Variants in RNF150 observed in about 807,000 individuals in gnomAD.
RNF150 encodes the protein ring finger protein 150.
RNF150 carries 24 observed loss-of-function variants against 39.3 expected under a neutral mutation model. The observed-to-expected ratio is 0.61, with a 90% CI of 0.44 to 0.86. The LOEUF is 0.86. RNF150 is among the 40% of genes least tolerant of loss of function. The pLI is 0.00. For missense variants in RNF150, 502 were observed against 587.8 expected, an observed-to-expected ratio of 0.85 and a Z score of 1.51; for synonymous variants, 255 against 227.3, an observed-to-expected ratio of 1.12 and a Z score of -1.10.
chr4:140,893,626 C>A (rs80309169), intron 6 of RNF150, among the ~76,000 whole-genome samples: 1,642 of 152,236 alleles, frequency 0.011, 32 homozygotes, highest in African/African-American at 0.037. Context: ...TAGAACCATG[C>A]TCAGCACCTC....
rs114309063 is a variant in RNF150 at position 140,915,521 on chromosome 4, G to T, written c.988-4167C>A. ...AGAAAAGGCTTGGGAGGCACAGAAG[G>T]TATCCATATGCCTTCATGCTTTGTG... is the stretch of plus-strand genomic sequence containing the variant. On this transcript the variant is annotated intron_variant, in intron 5 of 6. Coordinates refer to ENST00000515673, the MANE Select transcript of RNF150 (RefSeq NM_020724.2). Among the ~76,000 whole-genome samples, 447 of 152,326 alleles carry T rather than the reference G, an allele frequency of 2.9e-3. 4 individuals carry two copies. The highest frequency in any genetic ancestry group is 0.01 in the African/African-American group (423 of 41,574).
At chr4:140,882,474 C>T (rs11725916) in intron 6 of RNF150, among the ~76,000 whole-genome samples, 54,528 of 151,992 alleles carry the variant, frequency 0.36, 11,360 homozygotes, top group Non-Finnish European at 0.47. Context: ...CTCTATTCTA[C>T]TTATGCCTAT....
At chr4:140,872,881 G>C (rs148442686) in intron 6 of RNF150, among the ~76,000 whole-genome samples, 24 of 152,336 alleles carry the variant, frequency 1.6e-4, no homozygotes, top group African/African-American at 5.1e-4. Context: ...GTTTAGAGGA[G>C]AGGCCATGAC....
chr4:140,980,297 C>A (rs1733812519), intron 1 of RNF150, among the ~76,000 whole-genome samples: 2 of 152,026 alleles, frequency 1.3e-5, no homozygotes, highest in Non-Finnish European at 2.9e-5. Context: ...CTTGTCTTGG[C>A]CTCTCAAAGT....
intron 1 of RNF150, among the ~76,000 whole-genome samples, chr4:141,022,157 A>G (rs1187579413): frequency 3.3e-5 from 5 of 152,188 alleles, no homozygotes; most frequent in African/African-American, 9.6e-5. Context: ...GTCTCTGGGG[A>G]CAGTCAGCTG....
intron 2 of RNF150, among the ~76,000 whole-genome samples, chr4:140,960,869 C>T (rs1277728879): frequency 2.0e-5 from 3 of 152,074 alleles, no homozygotes; most frequent in East Asian, 3.9e-4. Flanking sequence ...ATTGCTTTAT[C>T]CACTAAACGT....
chr4:140,919,093 A>G (rs1730985914), intron 5 of RNF150, among the ~76,000 whole-genome samples: 1 of 150,212 alleles, frequency 6.7e-6, no homozygotes, highest in Non-Finnish European at 1.5e-5. Context: ...TGAATGGGCA[A>G]AAACTGGAAG....
At chr4:140,899,857 C>T (rs1730110591) in intron 6 of RNF150, among the ~76,000 whole-genome samples, 1 of 151,798 alleles carries the variant, frequency 6.6e-6, no homozygotes, top group South Asian at 2.1e-4. Flanking sequence ...GAAAAACTTG[C>T]AGTGAGGACC....
rs555830696 is a variant in RNF150, at chr4:141,002,800, G to A, written c.485-34927C>T. Among the ~76,000 whole-genome samples, 4 of 152,188 alleles carry A rather than the reference G, an allele frequency of 2.6e-5. No individual in the cohort carries two copies. In the South Asian group the frequency reaches 8.3e-4, roughly 32 times the overall value. On this transcript the variant is annotated intron_variant, in intron 1 of 6. Transcript: ENST00000515673. ...TTCTAGCTTCAGCTCTGCCAACCTG[G>A]GTAGCGCACATTCCCTCACTGAGCC...
chr4:140,938,029 A>G (rs1731926756), intron 4 of RNF150, among the ~76,000 whole-genome samples: 1 of 152,210 alleles, frequency 6.6e-6, no homozygotes, highest in African/African-American at 2.4e-5. Context: ...CTGGCTAGAA[A>G]GTGCCCTTTT....
intron 1 of RNF150, among the ~76,000 whole-genome samples, chr4:141,101,457 G>C (rs568797060): frequency 6.6e-6 from 1 of 152,096 alleles, no homozygotes; most frequent in Non-Finnish European, 1.5e-5. Context: ...AACATGCATG[G>C]AGCTGTCATT....
At chr4:141,102,657 C>T (rs1226291975) in intron 1 of RNF150, among the ~76,000 whole-genome samples, 1 of 152,150 alleles carries the variant, frequency 6.6e-6, no homozygotes, top group Non-Finnish European at 1.5e-5. Context: ...ATGATTATCG[C>T]AACAGATGAC....
At chr4:141,096,878 G>T (rs1311347985) in intron 1 of RNF150, among the ~76,000 whole-genome samples, 1 of 152,184 alleles carries the variant, frequency 6.6e-6, no homozygotes, top group African/African-American at 2.4e-5. Flanking sequence ...CACCAGTGTT[G>T]TATTTCTTTT....
At chr4:141,043,765 GGAAA>G (rs1362307751) in intron 1 of RNF150, among the ~76,000 whole-genome samples, 2 of 151,932 alleles carry the variant, frequency 1.3e-5, no homozygotes, top group Non-Finnish European at 2.9e-5. Flanking sequence ...CTATATTATG[GGAAA>G]GAGTTAAAGA....
rs140386194 is a variant in RNF150 at position 140,868,507 on chromosome 4, T to C, written c.1199-128A>G. Reference sequence around the variant, plus strand: ...AGAAGGTATTAGAAAAATTGGGTATTCTGTAAAAACTCTAGTTAAAGCCTC... The same window carrying C: ...AGAAGGTATTAGAAAAATTGGGTATCCTGTAAAAACTCTAGTTAAAGCCTC... On this transcript the variant is annotated intron_variant, in intron 6 of 6. Coordinates refer to ENST00000515673, the MANE Select transcript of RNF150 (RefSeq NM_020724.2). 2.6e-4 allele frequency: 163 copies of C among 627,940 alleles called. No homozygotes were observed. The African/African-American group carries it at 2.7e-3, about 10-fold the overall frequency. 38.9% of individuals were successfully genotyped at this position (627,940 alleles called of 1,614,324 possible).
chr4:141,080,341 C>T (rs768187620), intron 1 of RNF150, among the ~76,000 whole-genome samples: 2 of 152,130 alleles, frequency 1.3e-5, no homozygotes, highest in Admixed American at 1.3e-4. Context: ...ATGACAAATA[C>T]GAAACAAAAC....
At chr4:141,086,246 T>C (rs925175479) in intron 1 of RNF150, among the ~76,000 whole-genome samples, 1 of 152,190 alleles carries the variant, frequency 6.6e-6, no homozygotes, top group Admixed American at 6.5e-5. Flanking sequence ...GCTTGATCTA[T>C]TTATCTCTGA....
chr4:141,018,257 A>G (rs1305011809), intron 1 of RNF150, among the ~76,000 whole-genome samples: 1 of 152,124 alleles, frequency 6.6e-6, no homozygotes, highest in African/African-American at 2.4e-5. Context: ...GTCCACTGCC[A>G]CCAGTGTGGT....
chr4:140,897,668 A>T (rs1444052314), intron 6 of RNF150, among the ~76,000 whole-genome samples: 1 of 152,182 alleles, frequency 6.6e-6, no homozygotes, highest in Non-Finnish European at 1.5e-5. Context: ...AGGTTAAATA[A>T]AATATGTAAA....
Sources: allele counts gnomAD v4.1 joint callset (sites outside exome capture counted in the v4.1 genomes callset), GRCh38; gene constraint gnomAD v4.1.1; transcripts MANE v1.5; gene names NCBI Gene and HGNC (gene_info 2026-07-23, HGNC 2026-07-21).